The following TM2D1 variants were observed in gnomAD, a reference collection of about 807,000 sequenced individuals.
The protein encoded by TM2D1 is TM2 domain-containing protein 1.
A neutral mutation model predicts 28.4 loss-of-function variants in TM2D1; 15 were observed. The ratio of observed to expected loss-of-function variants is 0.53; its 90% CI spans 0.35 to 0.81. The LOEUF (loss-of-function observed/expected upper bound fraction) is 0.81, where lower values mean the gene tolerates loss of function less well. Among genes scored for constraint, TM2D1 ranks in the 40% least tolerant of loss-of-function variants. The pLI is 0.01. For missense variants in TM2D1, 236 were observed against 254.9 expected, an observed-to-expected ratio of 0.93 and a Z score of 0.50; for synonymous variants, 93 against 96.2, an observed-to-expected ratio of 0.97 and a Z score of 0.20.
rs755408711 is a variant in TM2D1 at position 61,694,682 on chromosome 1, G to C, written c.513+15C>G. On this transcript the variant is annotated intron_variant, in intron 5 of 6. Coordinates refer to ENST00000606498, the MANE Select transcript of TM2D1 (RefSeq NM_032027.3). ...GAATGTAAAAGTAGTTTACATTCTAGATTGAGAAACTTACCTGCATTGAAA... is the reference window on the plus strand; with the variant it reads ...GAATGTAAAAGTAGTTTACATTCTACATTGAGAAACTTACCTGCATTGAAA... 4 of 1,570,248 alleles carry C rather than the reference G, an allele frequency of 2.5e-6. No individual in the cohort carries two copies. Among genetic ancestry groups the C allele is most frequent in the Non-Finnish European group, 3.5e-6 (4 of 1,149,504 alleles).
chr1:61,688,427 A>G (rs1234588916), intron 5 of TM2D1, among the ~76,000 whole-genome samples: 1 of 152,228 alleles, frequency 6.6e-6, no homozygotes, highest in Non-Finnish European at 1.5e-5. Flanking sequence ...TTTGATGTCT[A>G]TAAAATGTCC....
At chr1:61,701,430 A>T (rs1440718089) in intron 3 of TM2D1, among the ~76,000 whole-genome samples, 1 of 150,836 alleles carries the variant, frequency 6.6e-6, no homozygotes, top group Non-Finnish European at 1.5e-5. Context: ...CAGAGACCTG[A>T]GGGAAGTGAG....
chr1:61,715,957 A>G (rs1017244567), intron 2 of TM2D1, among the ~76,000 whole-genome samples: 1 of 150,814 alleles, frequency 6.6e-6, no homozygotes, highest in Non-Finnish European at 1.5e-5. Flanking sequence ...GCCCACCACC[A>G]TGCCCAGCTA....
chr1:61,717,654 G>A (rs1424565605), intron 2 of TM2D1, among the ~76,000 whole-genome samples: 2 of 152,082 alleles, frequency 1.3e-5, no homozygotes, highest in East Asian at 3.9e-4. Context: ...GCTCACTGTA[G>A]CCTCGAAGTC....
Position 61,681,277 on chromosome 1 carries a change from T to C in TM2D1, c.*93A>G, listed in dbSNP as rs1452932991. The stretch of plus-strand genomic sequence containing the variant: ...AAATTATACAGAACTCATAAAATGG[T>C]ATATGAATGAAAAAGAGAAATCTTT... On this transcript the variant is annotated 3_prime_UTR_variant, in exon 7 of 7. Transcript: ENST00000606498. 6.6e-6 allele frequency: 1 copy of C among 152,462 alleles called. No homozygotes were observed. The highest frequency in any genetic ancestry group is 1.5e-5 in the Non-Finnish European group (1 of 68,022). The allele number at this position is 152,462 out of a possible 1,614,324, so 9.4% of individuals were successfully genotyped here.
At chr1:61,703,718 TTATATATATATATATATATA>T (rs56267637) in intron 3 of TM2D1, among the ~76,000 whole-genome samples, 9 of 99,088 alleles carry the variant, frequency 9.1e-5, no homozygotes, top group African/African-American at 2.8e-4. Flanking sequence ...TAGCCAATCT[TTATATATATATATATATATA>T]TATATATATA....
intron 3 of TM2D1, among the ~76,000 whole-genome samples, chr1:61,709,073 G>A (rs1644459607): frequency 6.6e-6 from 1 of 152,126 alleles, no homozygotes; most frequent in South Asian, 2.1e-4. Flanking sequence ...ACTGAGGTGG[G>A]AGGATTGCTT....
intron 3 of TM2D1, among the ~76,000 whole-genome samples, chr1:61,706,422 T>C (rs2148054091): frequency 6.6e-6 from 1 of 152,066 alleles, no homozygotes; most frequent in South Asian, 2.1e-4. Flanking sequence ...GGTCTCAAAC[T>C]CCTGAGCTCA....
rs931679021 is a variant in TM2D1 at position 61,687,479 on chromosome 1, T to C, written c.514-3933A>G. On this transcript the variant is annotated intron_variant, in intron 5 of 6. Coordinates refer to ENST00000606498, the MANE Select transcript of TM2D1 (RefSeq NM_032027.3). ...TGTTGTAGTATTAATGTTTGCAATT[T>C]ATAAACTTCTGATCTTGTTAGTGTA... 2.6e-5 allele frequency among the ~76,000 whole-genome samples: 4 copies of C among 152,214 alleles called. No individual in the cohort carries two copies. The South Asian group carries it at 6.2e-4, about 24-fold the overall frequency.
At chr1:61,703,771 T>C (rs1570111983) in intron 3 of TM2D1, among the ~76,000 whole-genome samples, 1 of 140,952 alleles carries the variant, frequency 7.1e-6, no homozygotes, top group East Asian at 2.1e-4. Context: ...TTTTTTTTTT[T>C]TTGAGATGGA....
chr1:61,687,539 T>C (rs1644292718), intron 5 of TM2D1, among the ~76,000 whole-genome samples: 1 of 152,144 alleles, frequency 6.6e-6, no homozygotes, highest in Non-Finnish European at 1.5e-5. Context: ...TAGGTGGTAT[T>C]CTACTAAGAA....
intron 3 of TM2D1, 27 bp from the exon 4 acceptor site, chr1:61,701,052 A>G (rs776909716): frequency 5.2e-6 from 8 of 1,550,970 alleles, no homozygotes; most frequent in African/African-American, 2.7e-5. Flanking sequence ...TCTGAGTATC[A>G]TATTTCCAAT....
intron 2 of TM2D1, among the ~76,000 whole-genome samples, chr1:61,711,166 C>T (rs1157440368): frequency 1.3e-5 from 2 of 151,244 alleles, no homozygotes; most frequent in Non-Finnish European, 3.0e-5. Flanking sequence ...GGCGAAAACC[C>T]ATCTCTACAA....
intron 2 of TM2D1, among the ~76,000 whole-genome samples, chr1:61,714,698 G>A (rs1178179376): frequency 6.6e-6 from 1 of 152,188 alleles, no homozygotes; most frequent in Non-Finnish European, 1.5e-5. Context: ...GGTACTATAG[G>A]TGTGTGCCAC....
At chr1:61,713,884 C>CT (rs372226143) in intron 2 of TM2D1, among the ~76,000 whole-genome samples, 4,647 of 106,232 alleles carry the variant, frequency 0.044, 240 homozygotes, top group African/African-American at 0.08. Flanking sequence ...CCAAATATTT[C>CT]TTTTTTTTTT....
At chr1:61,688,320 A>C (rs961056119) in intron 5 of TM2D1, among the ~76,000 whole-genome samples, 1 of 152,206 alleles carries the variant, frequency 6.6e-6, no homozygotes, top group African/African-American at 2.4e-5. Flanking sequence ...TGACAGAGTA[A>C]AAGTTACTCA....
chr1:61,682,086 G>C (rs967658801), intron 6 of TM2D1, among the ~76,000 whole-genome samples: 1 of 152,004 alleles, frequency 6.6e-6, no homozygotes, highest in Admixed American at 6.6e-5. Flanking sequence ...ATAACTACAA[G>C]GCATATCCAT....
At chr1:61,719,556 A>C (rs1198691942) in intron 2 of TM2D1, among the ~76,000 whole-genome samples, 2 of 151,642 alleles carry the variant, frequency 1.3e-5, no homozygotes, top group Non-Finnish European at 2.9e-5. Flanking sequence ...GCAGTGGCGC[A>C]ATCTTGGCTC....
intron 5 of TM2D1, chr1:61,687,051 ATCCTG>A: frequency 1.1e-6 from 1 of 873,530 alleles, no homozygotes; most frequent in Non-Finnish European, 1.4e-6. Context: ...GCTAAGAAAT[ATCCTG>A]AAGCTGGCTG....
Sources: gnomAD v4.1 joint callset for allele counts (sites outside exome capture counted in the v4.1 genomes callset) on GRCh38, gnomAD v4.1.1 for gene constraint, MANE v1.5 for transcripts, NCBI Gene and HGNC (gene_info 2026-07-23, HGNC 2026-07-21) for gene names.